The following KCNMB2 variants were observed in gnomAD, a reference collection of about 807,000 sequenced individuals.
The protein encoded by KCNMB2 is potassium calcium-activated channel subfamily M regulatory beta subunit 2.
A neutral mutation model predicts 24.5 loss-of-function variants in KCNMB2; 9 were observed. The ratio of observed to expected loss-of-function variants is 0.37; its 90% confidence interval spans 0.22 to 0.64. The LOEUF is 0.64. KCNMB2 is among the 30% of genes least tolerant of loss of function. KCNMB2 has a pLI of 0.63. For synonymous variants in KCNMB2, 109 were observed against 104.4 expected (o/e 1.04, Z -0.27); for missense variants, 226 against 284.3 (o/e 0.79, Z 1.47).
rs189118641 is a variant in KCNMB2, at chr3:178,693,607, T to C, written c.-67-113736T>C. On this transcript the variant is annotated intron_variant, in intron 1 of 4. Transcript: ENST00000452583. Reference sequence around the variant, plus strand: ...CATCCCAGAAATAATGCCTACTTGATCATGGTGAACAAGTTGTTGATATGC... The same window carrying C: ...CATCCCAGAAATAATGCCTACTTGACCATGGTGAACAAGTTGTTGATATGC... Among the ~76,000 whole-genome samples, 4 of 152,338 alleles carry C rather than the reference T, an allele frequency of 2.6e-5. No homozygotes were observed. In the East Asian group the frequency reaches 7.7e-4, roughly 29 times the overall value.
intron 1 of KCNMB2, among the ~76,000 whole-genome samples, chr3:178,800,240 A>G (rs978703600): frequency 6.6e-6 from 1 of 152,204 alleles, no homozygotes; most frequent in Admixed American, 6.5e-5. Flanking sequence ...GTGAAGAGAC[A>G]ACCCACAAAA....
intron 2 of KCNMB2, among the ~76,000 whole-genome samples, chr3:178,812,804 G>T (rs1208730257): frequency 1.3e-5 from 2 of 151,772 alleles, no homozygotes; most frequent in Non-Finnish European, 2.9e-5. Flanking sequence ...GGCCAGTTTT[G>T]TCCACCTCAG....
chr3:178,719,959 G>A (rs1323277145), intron 1 of KCNMB2, among the ~76,000 whole-genome samples: 1 of 151,772 alleles, frequency 6.6e-6, no homozygotes, highest in Non-Finnish European at 1.5e-5. Flanking sequence ...GAGTCATAGG[G>A]TATATAATCT....
chr3:178,581,039 A>T (rs1717182237), intron 1 of KCNMB2, among the ~76,000 whole-genome samples: 2 of 152,230 alleles, frequency 1.3e-5, no homozygotes, highest in South Asian at 4.1e-4. Flanking sequence ...TATGGAATCA[A>T]AAAAGAGCCC....
chr3:178,614,293 A>ATATATATATATG (rs1560131728), intron 1 of KCNMB2, among the ~76,000 whole-genome samples: 10 of 85,958 alleles, frequency 1.2e-4, no homozygotes, highest in Non-Finnish European at 1.4e-4. Flanking sequence ...ATATATATAT[A>ATATATATATATG]TATGTATGTA....
chr3:178,727,811 A>T (rs1004862947), intron 1 of KCNMB2, among the ~76,000 whole-genome samples: 1 of 152,156 alleles, frequency 6.6e-6, no homozygotes, highest in Admixed American at 6.5e-5. Flanking sequence ...TAAGATAATA[A>T]ATTTGTGTTC....
chr3:178,812,602 T>C (rs956736355), intron 2 of KCNMB2, among the ~76,000 whole-genome samples: 5 of 152,130 alleles, frequency 3.3e-5, no homozygotes, highest in Admixed American at 6.5e-5. Flanking sequence ...TCATGTAGCA[T>C]TATCTTTCAC....
intron 2 of KCNMB2, among the ~76,000 whole-genome samples, chr3:178,816,172 T>C (rs940414843): frequency 3.3e-5 from 5 of 151,934 alleles, no homozygotes; most frequent in Non-Finnish European, 7.4e-5. Flanking sequence ...TAATGATTTA[T>C]AAGTATTTGA....
intron 1 of KCNMB2, among the ~76,000 whole-genome samples, chr3:178,793,102 A>G (rs887234211): frequency 6.6e-6 from 1 of 152,214 alleles, no homozygotes; most frequent in African/African-American, 2.4e-5. Flanking sequence ...CTTGGAGCCT[A>G]AATATACACA....
Position 178,630,805 on chromosome 3 carries a change from A to G in KCNMB2, c.-68+94094A>G, listed in dbSNP as rs375163861. ...ATGGAGACCTGAACTTCTGTCTTCTAAGCAAAATGTTTCATTCACTAGTGG... is the reference window on the plus strand; with the variant it reads ...ATGGAGACCTGAACTTCTGTCTTCTGAGCAAAATGTTTCATTCACTAGTGG... On this transcript the variant is annotated intron_variant, in intron 1 of 4. Coordinates refer to ENST00000452583, the MANE Select transcript of KCNMB2 (RefSeq NM_181361.3). Among the ~76,000 whole-genome samples the G allele has an allele frequency of 2.8e-4, 43 of 152,324 alleles. 1 individual carries two copies. In the South Asian group the frequency reaches 8.7e-3, roughly 31 times the overall value.
chr3:178,579,335 C>CA (rs1454995123), intron 1 of KCNMB2, among the ~76,000 whole-genome samples: 1 of 152,080 alleles, frequency 6.6e-6, no homozygotes, highest in African/African-American at 2.4e-5. Context: ...AACAAAGACA[C>CA]AACATACAAG....
chr3:178,822,009 T>C (rs1714647288), intron 2 of KCNMB2, among the ~76,000 whole-genome samples: 1 of 152,192 alleles, frequency 6.6e-6, no homozygotes. Flanking sequence ...AGTGATCATT[T>C]TGAAACTCAA....
At chr3:178,661,313 G>T (rs1720520284) in intron 1 of KCNMB2, among the ~76,000 whole-genome samples, 1 of 152,136 alleles carries the variant, frequency 6.6e-6, no homozygotes, top group East Asian at 1.9e-4. Context: ...CAAAGGACAT[G>T]AACTCTTCCT....
At chr3:178,597,697 A>G (rs947033122) in intron 1 of KCNMB2, among the ~76,000 whole-genome samples, 5 of 152,150 alleles carry the variant, frequency 3.3e-5, no homozygotes, top group African/African-American at 1.2e-4. Context: ...CAAGTATCAC[A>G]ATGTCAGTAA....
chr3:178,563,024 A>G (rs1716379669), intron 1 of KCNMB2, among the ~76,000 whole-genome samples: 1 of 152,252 alleles, frequency 6.6e-6, no homozygotes, highest in Admixed American at 6.5e-5. Flanking sequence ...TCATTACAAA[A>G]TAAAAGGACA....
At chr3:178,591,484 G>C (rs1028397464) in intron 1 of KCNMB2, among the ~76,000 whole-genome samples, 10 of 152,124 alleles carry the variant, frequency 6.6e-5, no homozygotes, top group African/African-American at 2.4e-4. Flanking sequence ...TTGTCCCCAA[G>C]CCTTCTCAGG....
At chr3:178,629,690 A>T (rs1049120227) in intron 1 of KCNMB2, among the ~76,000 whole-genome samples, 2 of 152,146 alleles carry the variant, frequency 1.3e-5, no homozygotes, top group Non-Finnish European at 2.9e-5. Flanking sequence ...AATAAGACAA[A>T]CTCCTTGACC....
At position 178,825,638 on chromosome 3, in the gene KCNMB2, C is replaced by T. The variant is rs201903290; in HGVS notation, c.107C>T (p.Thr36Ile). ...RDHDLLDKRK[T>I]VTALKAGEDR... ...CATGACCTCCTGGACAAAAGGAAAA[C>T]AGTCACAGCACTGAAGGCAGGAGAG... Residue 36 changes from threonine to isoleucine, a missense_variant, in exon 3 of 5, where the codon ACA becomes ATA. Thr to Ile is a moderately conservative substitution (Grantham distance 89). Transcript: ENST00000452583. 2.5e-6 allele frequency: 4 copies of T among 1,613,902 alleles called. No homozygotes were observed. Among genetic ancestry groups the T allele is most frequent in the Non-Finnish European group, 3.4e-6 (4 of 1,179,826 alleles).
intron 1 of KCNMB2, among the ~76,000 whole-genome samples, chr3:178,714,623 G>A (rs550479744): frequency 6.0e-4 from 91 of 152,302 alleles, no homozygotes; most frequent in African/African-American, 2.1e-3. Context: ...GCCCAGTTTG[G>A]AAAGATAGGT....
Sources: allele counts gnomAD v4.1 joint callset (sites outside exome capture counted in the v4.1 genomes callset), GRCh38; gene constraint gnomAD v4.1.1; transcripts MANE v1.5; gene names NCBI Gene and HGNC (gene_info 2026-07-23, HGNC 2026-07-21).